Variants in DVL1 observed in about 807,000 individuals in gnomAD.
DVL1 encodes the protein dishevelled segment polarity protein 1.
A neutral mutation model predicts 65.0 loss-of-function variants in DVL1; 49 were observed. That is an observed-to-expected ratio of 0.75 (90% confidence interval 0.60 to 0.96). The LOEUF (loss-of-function observed/expected upper bound fraction) is 0.96, where lower values mean the gene tolerates loss of function less well. DVL1 is among the 40% of genes least tolerant of loss of function. The pLI, the probability that DVL1 is intolerant of heterozygous loss-of-function variation, is 0.00. For synonymous variants in DVL1, 608 were observed against 433.9 expected, an observed-to-expected ratio of 1.40 and a Z score of -4.99; for missense variants, 1,197 against 1,045.4, an observed-to-expected ratio of 1.15 and a Z score of -2.00.
rs368650718 is a variant in DVL1 at position 1,340,065 on chromosome 1, G to A, written c.882C>T (p.Arg294=). Residue 294 remains arginine (R), a synonymous_variant, in exon 8 of 15, where the codon CGC becomes CGT. Transcript: ENST00000378888. ...MKGGAVAADG[R]IEPGDMLLQV... is the part of the protein sequence containing the mutation. ...GCAGCAACATGTCGCCGGGCTCGAT[G>A]CGGCCGTCAGCGGCCACAGCCCCGC... 1.1e-5 allele frequency: 17 copies of A among 1,612,688 alleles called. No individual in the cohort carries two copies. Among genetic ancestry groups the A allele is most frequent in the Middle Eastern group, 1.7e-4 (1 of 6,058 alleles).
intron 14 of DVL1, chr1:1,337,046 C>T (rs1469663157): frequency 1.0e-6 from 1 of 987,972 alleles, no homozygotes; most frequent in Non-Finnish European, 1.2e-6. Context: ...GCTAGTCCTT[C>T]AGTCTAAGGC....
intron 9 of DVL1, 24 bp downstream of exon 9, chr1:1,339,712 C>G: frequency 1.9e-6 from 3 of 1,612,954 alleles, no homozygotes; most frequent in Non-Finnish European, 2.5e-6. Context: ...TGGCCCCTCC[C>G]GCTCCAGCGC....
chr1:1,346,702 G>C (rs1010314378), intron 1 of DVL1, among the ~76,000 whole-genome samples: 1 of 152,244 alleles, frequency 6.6e-6, no homozygotes, highest in African/African-American at 2.4e-5. Context: ...TCATGCTCTG[G>C]AGCAGAGGCT....
In DVL1 at chr1:1,338,366, G is replaced by C; in HGVS notation, c.1410C>G (p.Tyr470Ter). 1 of 1,612,612 alleles carries C rather than the reference G, an allele frequency of 6.2e-7. No homozygotes were observed. Among genetic ancestry groups the C allele is most frequent in the South Asian group, 1.1e-5 (1 of 91,086 alleles). The change falls in exon 13 of 15, where the codon TAC (tyrosine) becomes TAG (stop). Residue 470 changes from tyrosine (Y) to a stop codon, truncating the protein, a stop_gained. Transcript: ENST00000378888. LOFTEE classifies it high-confidence loss of function. ...AGCCGTGCTTCAGCAAGCTGCTGGC[G>C]TACTTCCGGGCCTCCCGCCGCTCCT... ...GFKERREARKYASSLLKHGFL... is the reference protein window; with the variant it reads ...GFKERREARK
intron 14 of DVL1, among the ~76,000 whole-genome samples, chr1:1,337,257 C>G (rs1379184124): frequency 6.6e-6 from 1 of 152,124 alleles, no homozygotes; most frequent in African/African-American, 2.4e-5. Flanking sequence ...CTCTCTCGCC[C>G]TCCTTCCTGG....
chr1:1,337,492 G>A (rs1432372183), intron 14 of DVL1, among the ~76,000 whole-genome samples: 8 of 152,142 alleles, frequency 5.3e-5, no homozygotes, highest in Admixed American at 2.0e-4. Flanking sequence ...CTGTGTCCTG[G>A]GGCCTAGAAA....
rs745615353 is a variant in DVL1 at position 1,338,409 on chromosome 1, G to A, written c.1367C>T (p.Thr456Ile). 11 of 1,612,200 alleles carry A rather than the reference G, an allele frequency of 6.8e-6. 1 individual carries two copies. In the South Asian group the frequency reaches 1.2e-4, roughly 18 times the overall value. The stretch of plus-strand genomic sequence containing the variant: ...CCGCTCCTTGAAGCCCTCCACGTGT[G>A]TGTACAGCCAGTCCACCACGTCCGC... ...IGADVVDWLY[T>I]HVEGFKERRE... Residue 456 changes from threonine to isoleucine, a missense_variant, in exon 13 of 15, where the codon ACA becomes ATA. Thr to Ile is a moderately conservative substitution (Grantham distance 89). Transcript: ENST00000378888.
chr1:1,346,712 T>C (rs1215380512), intron 1 of DVL1, among the ~76,000 whole-genome samples: 1 of 152,208 alleles, frequency 6.6e-6, no homozygotes. Context: ...GAGCAGAGGC[T>C]GGGGAACCAG....
chr1:1,336,826 G>T (rs1278867122), intron 14 of DVL1, among the ~76,000 whole-genome samples: 2 of 152,262 alleles, frequency 1.3e-5, no homozygotes, highest in East Asian at 3.9e-4. Context: ...GCCAGCGAGG[G>T]CCCCTCATGC....
chr1:1,342,362 C>T lies in DVL1; in HGVS notation c.362+1G>A. 1 of 1,574,446 alleles carries T rather than the reference C, an allele frequency of 6.4e-7. No individual in the cohort carries two copies. The highest frequency in any genetic ancestry group is 8.6e-7 in the Non-Finnish European group (1 of 1,162,312). On this transcript the variant is annotated splice_donor_variant, in intron 3 of 14. Transcript: ENST00000378888. LOFTEE classifies it high-confidence loss of function. ...GGGCCCAGCGCCCACGGTGTCCTTA[C>T]TGGAAGGAGGGGGGCCGGGAGTCCC...
chr1:1,344,067 G>A (rs563792281), intron 1 of DVL1, among the ~76,000 whole-genome samples: 31 of 152,254 alleles, frequency 2.0e-4, no homozygotes, highest in African/African-American at 7.5e-4. Context: ...GGGATGGCTG[G>A]GCAGGGGCAG....
intron 4 of DVL1, 75 bp downstream of exon 4, chr1:1,341,978 C>T: frequency 6.8e-7 from 1 of 1,468,072 alleles, no homozygotes; most frequent in Non-Finnish European, 9.2e-7. Flanking sequence ...ACAGGAACTG[C>T]TGTAGTAGGA....
At position 1,340,064 on chromosome 1, in the gene DVL1, T is replaced by C. The variant is rs775107336; in HGVS notation, c.883A>G (p.Ile295Val). ...TGCAGCAACATGTCGCCGGGCTCGA[T>C]GCGGCCGTCAGCGGCCACAGCCCCG... ...KGGAVAADGR[I>V]EPGDMLLQVN... Residue 295 changes from isoleucine to valine, a missense_variant, in exon 8 of 15, where the codon ATC becomes GTC. Physicochemically the swap from Ile to Val is conservative, Grantham distance 29. Coordinates refer to ENST00000378888, the MANE Select transcript of DVL1 (RefSeq NM_001330311.2). 1 of 1,612,908 alleles carries C rather than the reference T, an allele frequency of 6.2e-7. No homozygotes were observed. Among genetic ancestry groups the C allele is most frequent in the South Asian group, 1.1e-5 (1 of 91,062 alleles).
At chr1:1,345,769 G>A (rs1171428471) in intron 1 of DVL1, among the ~76,000 whole-genome samples, 1 of 152,216 alleles carries the variant, frequency 6.6e-6, no homozygotes. Context: ...TTCTCCCAAG[G>A]CGGAGCAGGA....
intron 1 of DVL1, among the ~76,000 whole-genome samples, chr1:1,347,828 G>A (rs1386554646): frequency 1.3e-5 from 2 of 152,182 alleles, no homozygotes; most frequent in Non-Finnish European, 2.9e-5. Flanking sequence ...GGCTGCCAAG[G>A]ACGCACCCTG....
intron 11 of DVL1, 35 bp downstream of exon 11, chr1:1,339,252 G>C (rs993646459): frequency 6.5e-7 from 1 of 1,547,940 alleles, no homozygotes; most frequent in Non-Finnish European, 8.7e-7. Context: ...TCCAAGCCTC[G>C]GTTTCTGCTG....
At position 1,342,156 on chromosome 1, in the gene DVL1, G is replaced by A; in HGVS notation, c.363C>T (p.His121=). ...CGTCACGGCTGCTGGCCACATTTGG[G>A]CTGTGCAACAAGAGCAGGGTGGGTG... ...GIGDSRPPSF[H]PNVASSRDGM... Residue 121 remains histidine (H), a splice_region_variant and synonymous_variant, in exon 4 of 15, where the codon CAC becomes CAT. Transcript: ENST00000378888. 6 of 1,559,710 alleles carry A rather than the reference G, an allele frequency of 3.8e-6. No individual in the cohort carries two copies. The highest frequency in any genetic ancestry group is 5.2e-6 in the Non-Finnish European group (6 of 1,152,320).
At chr1:1,345,462 G>C (rs1643901926) in intron 1 of DVL1, among the ~76,000 whole-genome samples, 1 of 152,206 alleles carries the variant, frequency 6.6e-6, no homozygotes, top group South Asian at 2.1e-4. Flanking sequence ...GCTGGAGGCT[G>C]GCCAGGCATT....
chr1:1,341,235 CTGCGCACACGCG>C (rs1226075818), intron 5 of DVL1, among the ~76,000 whole-genome samples: 1 of 151,724 alleles, frequency 6.6e-6, no homozygotes, highest in Non-Finnish European at 1.5e-5. Context: ...ATGCACACAC[CTGCGCACACGCG>C]TGCATTGTGA....
Sources: gnomAD v4.1 joint callset for allele counts (sites outside exome capture counted in the v4.1 genomes callset) on GRCh38, gnomAD v4.1.1 for gene constraint, MANE v1.5 for transcripts, NCBI Gene and HGNC (gene_info 2026-07-23, HGNC 2026-07-21) for gene names.